GMDS: variants seen among roughly 807,000 people sequenced by gnomAD.
GMDS encodes the protein GDP-mannose 4,6 dehydratase.
Under a neutral mutation model 49.9 loss-of-function variants are expected in GMDS, and 20 were observed. The ratio of observed to expected loss-of-function variants is 0.40; its 90% confidence interval spans 0.28 to 0.58. GMDS has a LOEUF of 0.58. Among genes scored for constraint, GMDS ranks in the 20% least tolerant of loss-of-function variants. GMDS has a pLI of 0.42. For synonymous variants in GMDS, 177 were observed against 178.6 expected (o/e 0.99, Z 0.07); for missense variants, 362 against 481.4 (o/e 0.75, Z 2.32).
intron 7 of GMDS, among the ~76,000 whole-genome samples, chr6:1,818,395 G>T (rs1488088153): frequency 1.3e-5 from 2 of 152,078 alleles, no homozygotes; most frequent in African/African-American, 4.8e-5. Flanking sequence ...ATCACCTGAG[G>T]TCAGGAGTTC....
chr6:1,858,866 A>G (rs1014216510), intron 7 of GMDS, among the ~76,000 whole-genome samples: 3 of 152,220 alleles, frequency 2.0e-5, no homozygotes, highest in African/African-American at 7.2e-5. Flanking sequence ...AATCTATTCA[A>G]CTTTAAAAAA....
intron 1 of GMDS, among the ~76,000 whole-genome samples, chr6:2,169,414 T>C (rs1267023045): frequency 6.6e-6 from 1 of 151,214 alleles, no homozygotes. Context: ...CGAGACCAGC[T>C]TGGCCAACAT....
intron 8 of GMDS, among the ~76,000 whole-genome samples, chr6:1,738,662 ACT>A (rs1413263012): frequency 6.7e-6 from 1 of 150,232 alleles, no homozygotes; most frequent in Non-Finnish European, 1.5e-5. Context: ...AACAAGTAGA[ACT>A]CTGAGCTAGC....
chr6:2,207,936 G>A, intron 1 of GMDS, among the ~76,000 whole-genome samples: 1 of 151,940 alleles, frequency 6.6e-6, no homozygotes, highest in East Asian at 1.9e-4. Context: ...GCATATATAT[G>A]TTTGCCAAGT....
chr6:1,683,340 G>T (rs1398703962), intron 9 of GMDS, among the ~76,000 whole-genome samples: 1 of 152,256 alleles, frequency 6.6e-6, no homozygotes, highest in South Asian at 2.1e-4. Context: ...AGCCAGGATG[G>T]TCTCCATCTC....
intron 7 of GMDS, among the ~76,000 whole-genome samples, chr6:1,761,157 G>GA (rs1203939879): frequency 6.6e-6 from 1 of 151,938 alleles, no homozygotes; most frequent in Non-Finnish European, 1.5e-5. Context: ...CCAAGATTCA[G>GA]AATAAAAATC....
intron 7 of GMDS, among the ~76,000 whole-genome samples, chr6:1,794,741 T>G (rs1769671307): frequency 6.6e-6 from 1 of 152,250 alleles, no homozygotes; most frequent in South Asian, 2.1e-4. Flanking sequence ...TGTGTACTAT[T>G]CGGGACACGT....
At position 2,191,627 on chromosome 6, in the gene GMDS, C is replaced by T. The variant is rs148181081; in HGVS notation, c.102+53694G>A. 5.8e-3 allele frequency among the ~76,000 whole-genome samples: 880 copies of T among 152,304 alleles called. 2 individuals carry two copies. Among genetic ancestry groups the T allele is most frequent in the Middle Eastern group, 0.017 (5 of 294 alleles). On this transcript the variant is annotated intron_variant, in intron 1 of 10. Coordinates refer to ENST00000380815, the MANE Select transcript of GMDS (RefSeq NM_001500.4). The surrounding 1 kb of genome is among the most constrained non-coding windows in gnomAD (Gnocchi z 4.6). ...TCTCCGAATGGGGTTGGGGCCAAGCCGGGGAGCTGTCACAGCCCAGCCAGG... is the reference window on the plus strand; with the variant it reads ...TCTCCGAATGGGGTTGGGGCCAAGCTGGGGAGCTGTCACAGCCCAGCCAGG...
At chr6:1,855,681 A>T (rs1386443252) in intron 7 of GMDS, among the ~76,000 whole-genome samples, 1 of 152,260 alleles carries the variant, frequency 6.6e-6, no homozygotes, top group Non-Finnish European at 1.5e-5. Flanking sequence ...TACTTTTGTT[A>T]ACCAAAATAC....
In GMDS at chr6:1,888,241, C is replaced by T. The variant is rs61355927; in HGVS notation, c.771+41862G>A. ...CCCATATTAGTATGTTTTCACACTG[C>T]TATAATTACTAAGACTGGGTAATTT... On this transcript the variant is annotated intron_variant, in intron 7 of 10. Coordinates refer to ENST00000380815, the MANE Select transcript of GMDS (RefSeq NM_001500.4). Among the ~76,000 whole-genome samples, 1,413 of 151,386 alleles carry T rather than the reference C, an allele frequency of 9.3e-3. 16 individuals are homozygous for T. Among genetic ancestry groups the T allele is most frequent in the African/African-American group, 0.032 (1,338 of 41,336 alleles).
intron 9 of GMDS, among the ~76,000 whole-genome samples, chr6:1,683,351 C>T (rs1386011330): frequency 6.6e-6 from 1 of 152,188 alleles, no homozygotes; most frequent in Non-Finnish European, 1.5e-5. Flanking sequence ...TCTCCATCTC[C>T]TGACCTCGTG....
At chr6:1,754,282 T>C (rs1431445617) in intron 7 of GMDS, among the ~76,000 whole-genome samples, 1 of 152,222 alleles carries the variant, frequency 6.6e-6, no homozygotes. Flanking sequence ...CTAGAAATTC[T>C]AGAAGAAATG....
intron 6 of GMDS, 193 bp from the exon 7 acceptor site, chr6:1,930,423 T>G: frequency 2.1e-6 from 1 of 475,870 alleles, no homozygotes; most frequent in Non-Finnish European, 3.7e-6. Context: ...GAAGCCCTAA[T>G]TCCATGTGTC....
At position 1,975,983 on chromosome 6, in the gene GMDS, C is replaced by G. The variant is rs141398244; in HGVS notation, c.346-15017G>C. Among the ~76,000 whole-genome samples the G allele has an allele frequency of 6.6e-5, 10 of 152,126 alleles. 1 individual carries two copies. In the East Asian group the frequency reaches 1.9e-3, roughly 29 times the overall value. The stretch of plus-strand genomic sequence containing the variant: ...CACTTTGAGATGGTCACCTGGAACT[C>G]GAAAAATATCTACACAACTCAAGAA... On this transcript the variant is annotated intron_variant, in intron 4 of 10. Coordinates refer to ENST00000380815, the MANE Select transcript of GMDS (RefSeq NM_001500.4).
intron 8 of GMDS, among the ~76,000 whole-genome samples, chr6:1,731,894 G>C (rs762383313): frequency 2.1e-4 from 32 of 152,172 alleles, no homozygotes; most frequent in Non-Finnish European, 3.8e-4. Flanking sequence ...GCCCAACCGG[G>C]GTTTGAGAGC....
At chr6:2,043,566 GA>G (rs1185016286) in intron 4 of GMDS, 1 of 152,142 alleles carries the variant, frequency 6.6e-6, no homozygotes, top group Non-Finnish European at 1.5e-5. Context: ...TGGATATTTT[GA>G]ATTAAATAAA....
intron 7 of GMDS, among the ~76,000 whole-genome samples, chr6:1,745,536 C>T (rs1238593482): frequency 6.6e-5 from 10 of 152,142 alleles, no homozygotes; most frequent in African/African-American, 2.4e-4. Flanking sequence ...GCCCGGGTCC[C>T]CTGGTGCTTG....
intron 7 of GMDS, among the ~76,000 whole-genome samples, chr6:1,788,476 T>A (rs930609658): frequency 6.6e-6 from 1 of 152,146 alleles, no homozygotes; most frequent in Admixed American, 6.5e-5. Flanking sequence ...CTGGCAGAAA[T>A]GTCTGGGAAG....
chr6:1,830,764 A>G (rs1294198716), intron 7 of GMDS, among the ~76,000 whole-genome samples: 3 of 152,244 alleles, frequency 2.0e-5, no homozygotes, highest in Non-Finnish European at 4.4e-5. Flanking sequence ...AAATTTATAT[A>G]AAATTGAATC....
Sources: gnomAD v4.1 joint callset for allele counts (sites outside exome capture counted in the v4.1 genomes callset) on GRCh38, gnomAD v4.1.1 for gene constraint, Gnocchi (gnomAD v3.1) non-coding constraint, MANE v1.5 for transcripts, NCBI Gene and HGNC (gene_info 2026-07-23, HGNC 2026-07-21) for gene names.